The following ADAMTSL3 variants were observed in gnomAD, a reference collection of about 807,000 sequenced individuals.
ADAMTSL3 encodes ADAMTS like 3.
In ADAMTSL3, 128 loss-of-function variants were observed where a neutral mutation model predicts 201.7. The ratio of observed to expected loss-of-function variants is 0.63; its 90% CI spans 0.55 to 0.73. The LOEUF (loss-of-function observed/expected upper bound fraction) is 0.73, where lower values mean the gene tolerates loss of function less well. Among genes scored for constraint, ADAMTSL3 ranks in the 30% least tolerant of loss-of-function variants. ADAMTSL3 has a pLI of 0.00. For missense variants in ADAMTSL3, 1,990 were observed against 2,119.6 expected (o/e 0.94, Z 1.20); for synonymous variants, 738 against 748.4 (o/e 0.99, Z 0.23).
At chr15:83,925,858 G>T (rs918324878) in intron 17 of ADAMTSL3, among the ~76,000 whole-genome samples, 2 of 152,154 alleles carry the variant, frequency 1.3e-5, no homozygotes, top group African/African-American at 4.8e-5. Flanking sequence ...CTTCCCTGAG[G>T]CAGTGAAGAT....
chr15:83,988,295 C>T (rs2067518433), intron 21 of ADAMTSL3, among the ~76,000 whole-genome samples: 1 of 152,216 alleles, frequency 6.6e-6, no homozygotes, highest in Non-Finnish European at 1.5e-5. Context: ...AGAAAATCCA[C>T]ACCTGCAGTT....
At chr15:84,005,724 T>C (rs1298085369) in intron 23 of ADAMTSL3, among the ~76,000 whole-genome samples, 2 of 152,214 alleles carry the variant, frequency 1.3e-5, no homozygotes. Context: ...CTCTTCTCCA[T>C]GTCAGAAGAA....
intron 23 of ADAMTSL3, among the ~76,000 whole-genome samples, chr15:84,003,149 C>T (rs932402091): frequency 6.6e-5 from 10 of 151,802 alleles, no homozygotes; most frequent in African/African-American, 2.4e-4. Flanking sequence ...AGAGGTCTCG[C>T]TGTGCTGCCA....
intron 2 of ADAMTSL3, among the ~76,000 whole-genome samples, chr15:83,666,664 C>T (rs1038095725): frequency 2.6e-5 from 4 of 151,778 alleles, no homozygotes; most frequent in Admixed American, 2.0e-4. Context: ...ATAGGGAGAC[C>T]CCCATCCCTA....
chr15:84,029,354 C>A (rs2068362505), intron 27 of ADAMTSL3, among the ~76,000 whole-genome samples: 1 of 152,106 alleles, frequency 6.6e-6, no homozygotes, highest in Non-Finnish European at 1.5e-5. Flanking sequence ...GGAACTAGAG[C>A]AAAGGTGACT....
chr15:83,812,602 A>T (rs1212791132), intron 5 of ADAMTSL3, among the ~76,000 whole-genome samples: 3 of 152,176 alleles, frequency 2.0e-5, no homozygotes, highest in Non-Finnish European at 4.4e-5. Context: ...TGTATGGAGA[A>T]GGAGGTGTTT....
intron 9 of ADAMTSL3, among the ~76,000 whole-genome samples, chr15:83,874,175 C>T (rs1024110815): frequency 1.6e-5 from 2 of 127,542 alleles, no homozygotes; most frequent in African/African-American, 5.8e-5. Context: ...ACAAAGGAAG[C>T]GGGCAGCGAG....
At chr15:83,984,430 A>T (rs2067440107) in intron 21 of ADAMTSL3, among the ~76,000 whole-genome samples, 1 of 152,192 alleles carries the variant, frequency 6.6e-6, no homozygotes, top group Non-Finnish European at 1.5e-5. Context: ...GAAAAAATCT[A>T]ATTTTTGAAT....
chr15:83,681,651 G>A (rs141729715), intron 2 of ADAMTSL3, among the ~76,000 whole-genome samples: 1 of 152,142 alleles, frequency 6.6e-6, no homozygotes, highest in Non-Finnish European at 1.5e-5. Flanking sequence ...ACTCTAAAAG[G>A]GCTGGCTGTG....
At chr15:83,762,692 AT>A (rs1316796303) in intron 3 of ADAMTSL3, among the ~76,000 whole-genome samples, 2 of 152,176 alleles carry the variant, frequency 1.3e-5, no homozygotes, top group Non-Finnish European at 2.9e-5. Context: ...TCTTAATACT[AT>A]CACATTGGTG....
At chr15:83,894,547 C>T (rs1035585965) in intron 13 of ADAMTSL3, among the ~76,000 whole-genome samples, 9 of 152,106 alleles carry the variant, frequency 5.9e-5, no homozygotes, top group Admixed American at 5.2e-4. Context: ...TTAAAAAATA[C>T]AGGGGCGAGC....
rs1046150785 is a variant in ADAMTSL3 at position 83,937,258 on chromosome 15, G to A, written c.2118-5338G>A. On this transcript the variant is annotated intron_variant, in intron 17 of 29. Coordinates refer to ENST00000286744, the MANE Select transcript of ADAMTSL3 (RefSeq NM_207517.3). Reference sequence around the variant, plus strand: ...ACAATAGCAAAGACATGAAATCAATGTAAATACGCATCAACAGTAGACTGG... The same window carrying A: ...ACAATAGCAAAGACATGAAATCAATATAAATACGCATCAACAGTAGACTGG... Among the ~76,000 whole-genome samples the A allele has an allele frequency of 1.8e-4, 27 of 150,716 alleles. 2 individuals are homozygous for A. The highest frequency in any genetic ancestry group is 6.0e-4 in the African/African-American group (24 of 40,182).
At position 83,899,665 on chromosome 15, in the gene ADAMTSL3, CA is replaced by C; in HGVS notation, c.1638del (p.Lys546AsnfsTer5). The part of the protein sequence containing the change: ...YKPKEKSPVE[A>X]KLPWLKQAQE... ...TTCTTAGAAAAAAGTCCAGTGGAAG[CA>C]AAATTGCCTTGGCTGAAACAAGCAC... On this transcript the variant is annotated frameshift_variant, in exon 15 of 30. Coordinates refer to ENST00000286744, the MANE Select transcript of ADAMTSL3 (RefSeq NM_207517.3). LOFTEE classifies it high-confidence loss of function. 6.2e-7 allele frequency: 1 copy of C among 1,611,802 alleles called. No individual in the cohort carries two copies. Among genetic ancestry groups the C allele is most frequent in the Non-Finnish European group, 8.5e-7 (1 of 1,178,618 alleles).
chr15:83,676,505 C>T lies in ADAMTSL3; in HGVS notation c.69+20675C>T, dbSNP rs111872379. ...CATCCTGGCTAACATGGTGAAACCC[C>T]GTCTCTGCTAAAAATACAAAAAATT... On this transcript the variant is annotated intron_variant, in intron 2 of 29. Transcript: ENST00000286744. Among the ~76,000 whole-genome samples, 1,508 of 152,116 alleles carry T rather than the reference C, an allele frequency of 9.9e-3. 12 individuals are homozygous for T. Among genetic ancestry groups the T allele is most frequent in the Non-Finnish European group, 0.015 (1,004 of 67,996 alleles).
intron 2 of ADAMTSL3, among the ~76,000 whole-genome samples, chr15:83,673,671 G>A (rs1202279756): frequency 6.6e-6 from 1 of 152,190 alleles, no homozygotes; most frequent in Non-Finnish European, 1.5e-5. Flanking sequence ...TGGCACGCAG[G>A]ACATAGGCAT....
chr15:83,782,117 A>G (rs1361960653), intron 4 of ADAMTSL3, among the ~76,000 whole-genome samples: 1 of 152,196 alleles, frequency 6.6e-6, no homozygotes, highest in Admixed American at 6.5e-5. Context: ...AGACACTTGC[A>G]TGTATGTGTT....
At chr15:83,689,020 A>AC (rs1163022942) in intron 2 of ADAMTSL3, among the ~76,000 whole-genome samples, 1 of 151,958 alleles carries the variant, frequency 6.6e-6, no homozygotes, top group Non-Finnish European at 1.5e-5. Flanking sequence ...ACGGAGTTTC[A>AC]CCATGTTGCC....
chr15:83,770,184 A>C (rs2062957289), intron 3 of ADAMTSL3, among the ~76,000 whole-genome samples: 1 of 152,192 alleles, frequency 6.6e-6, no homozygotes, highest in South Asian at 2.1e-4. Flanking sequence ...CATGCATGAA[A>C]AATGATATGG....
intron 19 of ADAMTSL3, among the ~76,000 whole-genome samples, chr15:83,952,246 C>T (rs779234795): frequency 1.3e-5 from 2 of 151,972 alleles, no homozygotes. Context: ...GTTTAAATTC[C>T]GTGTATTTGT....
Sources: allele counts gnomAD v4.1 joint callset (sites outside exome capture counted in the v4.1 genomes callset), GRCh38; gene constraint gnomAD v4.1.1; transcripts MANE v1.5; gene names NCBI Gene and HGNC (gene_info 2026-07-23, HGNC 2026-07-21).